Variants in APOL1 observed in about 807,000 individuals in gnomAD.
The protein encoded by APOL1 is apolipoprotein L 1.
APOL1 carries 17 observed loss-of-function variants against 14.9 expected under a neutral mutation model. That is an observed-to-expected ratio of 1.14 (90% CI 0.78 to 1.71). APOL1 has a LOEUF of 1.71. Ranked by LOEUF, APOL1 falls within the 40% of genes most tolerant of loss-of-function variation. The probability of loss-of-function intolerance (pLI) is 0.00; values close to 1 mark genes in which losing one functional copy is unlikely to be tolerated. For missense variants in APOL1, 523 were observed against 485.9 expected, an observed-to-expected ratio of 1.08 and a Z score of -0.72; for synonymous variants, 195 against 184.8, an observed-to-expected ratio of 1.05 and a Z score of -0.45.
intron 4 of APOL1, among the ~76,000 whole-genome samples, chr22:36,260,950 G>C (rs148708856): frequency 6.6e-6 from 1 of 152,164 alleles, no homozygotes; most frequent in Non-Finnish European, 1.5e-5. Context: ...TGAAGACACT[G>C]GTATAAAGTG....
At chr22:36,256,995 T>C in intron 2 of APOL1, 88 bp from the exon 3 acceptor site, 1 of 1,427,100 alleles carries the variant, frequency 7.0e-7, no homozygotes, top group Non-Finnish European at 9.7e-7. Context: ...TTCCTCCCCA[T>C]CTCTATTTCT....
intron 1 of APOL1, chr22:36,253,961 T>A: frequency 6.2e-7 from 1 of 1,614,186 alleles, no homozygotes; most frequent in Non-Finnish European, 8.5e-7. Flanking sequence ...AGCTTTGCAA[T>A]CATGAGATTC....
intron 5 of APOL1, among the ~76,000 whole-genome samples, chr22:36,264,429 C>G (rs2016168033): frequency 6.6e-6 from 1 of 152,192 alleles, no homozygotes; most frequent in South Asian, 2.1e-4. Flanking sequence ...GAAGGCCTCT[C>G]TTTGGGTAAA....
At chr22:36,255,992 T>A (rs1485618064) in intron 2 of APOL1, among the ~76,000 whole-genome samples, 2 of 152,210 alleles carry the variant, frequency 1.3e-5, no homozygotes, top group African/African-American at 4.8e-5. Context: ...CTTACAACTT[T>A]CATATACCCT....
intron 1 of APOL1, among the ~76,000 whole-genome samples, chr22:36,254,267 G>A (rs1226039287): frequency 1.3e-5 from 2 of 152,118 alleles, no homozygotes; most frequent in Non-Finnish European, 2.9e-5. Flanking sequence ...CTGAGTCATG[G>A]TCTTATTTGT....
At chr22:36,254,009 A>G (rs1232155224) in intron 1 of APOL1, 3 of 1,613,684 alleles carry the variant, frequency 1.9e-6, no homozygotes, top group Non-Finnish European at 2.5e-6. Context: ...TAACTACAGG[A>G]GTGAGAGCTT....
chr22:36,265,720 C>T lies in APOL1; in HGVS notation c.884C>T (p.Ser295Leu). 1 of 1,613,446 alleles carries T rather than the reference C, an allele frequency of 6.2e-7. No homozygotes were observed. The highest frequency in any genetic ancestry group is 8.5e-7 in the Non-Finnish European group (1 of 1,179,630). ...AGACGAGCCAGAGCCAATCTTCAGT[C>T]AGTACCGCATGCCTCAGCCTCACGC... ...ALRRARANLQSVPHASASRPR... is the reference protein window; with the variant it reads ...ALRRARANLQLVPHASASRPR... Residue 295 changes from serine to leucine, a missense_variant, in exon 6 of 6, where the codon TCA (serine) becomes TTA (leucine). Coordinates refer to ENST00000397278, the MANE Select transcript of APOL1 (RefSeq NM_003661.4).
chr22:36,265,152 A>G lies in APOL1; in HGVS notation c.316A>G (p.Asn106Asp), dbSNP rs777898853. 2.5e-6 allele frequency: 4 copies of G among 1,613,874 alleles called. No individual in the cohort carries two copies. The highest frequency in any genetic ancestry group is 1.1e-5 in the South Asian group (1 of 91,048). ...ATCCTTTAACCTTTCCTTGTGCAGGAATGAGGCAGATGAGCTCCGTAAAGC... is the reference window on the plus strand; with the variant it reads ...ATCCTTTAACCTTTCCTTGTGCAGGGATGAGGCAGATGAGCTCCGTAAAGC... ...GFVAAAELPRNEADELRKALD... is the reference protein window; with the variant it reads ...GFVAAAELPRDEADELRKALD... Residue 106 changes from asparagine (N) to aspartate (D), a missense_variant and splice_region_variant, in exon 6 of 6, where the codon AAT becomes GAT. By Grantham distance (23) the Asn-to-Asp change is conservative. Coordinates refer to ENST00000397278, the MANE Select transcript of APOL1 (RefSeq NM_003661.4).
chr22:36,263,818 G>A (rs926256482), intron 5 of APOL1, among the ~76,000 whole-genome samples: 1 of 152,214 alleles, frequency 6.6e-6, no homozygotes, highest in Non-Finnish European at 1.5e-5. Context: ...GCCAACACCA[G>A]GGTGGGGGCG....
At chr22:36,257,872 C>T (rs1464646807) in intron 4 of APOL1, among the ~76,000 whole-genome samples, 2 of 152,180 alleles carry the variant, frequency 1.3e-5, no homozygotes, top group Admixed American at 6.5e-5. Flanking sequence ...AGCCCCTTTG[C>T]TCTGAGTGGC....
Position 36,257,274 on chromosome 22 carries a change from T to C in APOL1, c.99-45T>C, listed in dbSNP as rs200932737. 16 of 1,607,978 alleles carry C rather than the reference T, an allele frequency of 1.0e-5. No homozygotes were observed. The African/African-American group carries it at 1.9e-4, about 19-fold the overall frequency. ...CTCAAGCAAGCCTCCCTCTGTCCAC[T>C]GGTGGCTCACATTTGATCCCACAAT... is the stretch of plus-strand genomic sequence containing the variant. On this transcript the variant is annotated intron_variant, in intron 3 of 5. Coordinates refer to ENST00000397278, the MANE Select transcript of APOL1 (RefSeq NM_003661.4).
At chr22:36,258,107 C>T (rs1476228791) in intron 4 of APOL1, among the ~76,000 whole-genome samples, 1 of 152,320 alleles carries the variant, frequency 6.6e-6, no homozygotes, top group East Asian at 1.9e-4. Context: ...GTTCCCATCC[C>T]CTCTACTGGT....
rs767548013 is a variant in APOL1, at chr22:36,257,092, A to G, written c.54A>G (p.Ala18=). The stretch of plus-strand genomic sequence containing the variant: ...CCTCATACCCCAACAGGATGAGTGC[A>G]CTTTTCCTTGGTGTGGGAGTGAGGG... ...RVSVLCIWMS[A]LFLGVGVRAE... Residue 18 remains alanine (A), a synonymous_variant, in exon 3 of 6, where the codon GCA becomes GCG. Coordinates refer to ENST00000397278, the MANE Select transcript of APOL1 (RefSeq NM_003661.4). 1 of 1,614,120 alleles carries G rather than the reference A, an allele frequency of 6.2e-7. No homozygotes were observed. Among genetic ancestry groups the G allele is most frequent in the South Asian group, 1.1e-5 (1 of 91,078 alleles).
At chr22:36,255,097 C>T in intron 2 of APOL1, 98 bp downstream of exon 2, 1 of 1,391,314 alleles carries the variant, frequency 7.2e-7, no homozygotes, top group Non-Finnish European at 1.0e-6. Flanking sequence ...ATCTGGGCTT[C>T]TTCTAGGAAC....
At chr22:36,256,182 G>GT (rs376506226) in intron 2 of APOL1, among the ~76,000 whole-genome samples, 165 of 151,022 alleles carry the variant, frequency 1.1e-3, no homozygotes, top group Middle Eastern at 6.8e-3. Flanking sequence ...ATATGTTTTG[G>GT]TTTTTTTTTG....
At chr22:36,253,259 A>G in intron 1 of APOL1, 40 bp downstream of exon 1, 4 of 374,448 alleles carry the variant, frequency 1.1e-5, no homozygotes, top group Non-Finnish European at 2.1e-5. Context: ...TCTTATTCTC[A>G]CAGCTTTTGT....
intron 1 of APOL1, chr22:36,253,842 C>T (rs549927824): frequency 1.1e-5 from 14 of 1,258,174 alleles, no homozygotes; most frequent in Non-Finnish European, 1.6e-5. Flanking sequence ...GTTCAGACTT[C>T]TGGGGTGATG....
intron 2 of APOL1, 107 bp downstream of exon 2, chr22:36,255,106 A>G: frequency 7.5e-7 from 1 of 1,333,104 alleles, no homozygotes; most frequent in Middle Eastern, 1.8e-4. Flanking sequence ...TCTTCTAGGA[A>G]CCAAAGTCAC....
intron 1 of APOL1, 31 bp downstream of exon 1, chr22:36,253,250 CTTAT>C (rs2015746654): frequency 2.6e-6 from 1 of 391,064 alleles, no homozygotes; most frequent in Non-Finnish European, 5.1e-6. Context: ...CTGCCTCCAT[CTTAT>C]TCTCACAGCT....
Sources: gnomAD v4.1 joint callset for allele counts (sites outside exome capture counted in the v4.1 genomes callset) on GRCh38, gnomAD v4.1.1 for gene constraint, MANE v1.5 for transcripts, NCBI Gene and HGNC (gene_info 2026-07-23, HGNC 2026-07-21) for gene names.